Variants in ATAD5 observed in about 807,000 individuals in gnomAD.
ATAD5 encodes ATPase family AAA domain containing 5.
A neutral mutation model predicts 176.9 loss-of-function variants in ATAD5; 58 were observed. The ratio of observed to expected loss-of-function variants is 0.33; its 90% CI spans 0.27 to 0.41. The LOEUF (loss-of-function observed/expected upper bound fraction) is 0.41, where lower values mean the gene tolerates loss of function less well. Ranked by LOEUF, ATAD5 falls within the 10% of genes least tolerant of loss-of-function variation. The pLI is 1.00. For synonymous variants in ATAD5, 640 were observed against 712.6 expected (o/e 0.90, Z 1.62); for missense variants, 1,789 against 2,094.1 (o/e 0.85, Z 2.84).
At position 30,886,581 on chromosome 17, in the gene ATAD5, C is replaced by G. The variant is rs1370632997; in HGVS notation, c.4078-611C>G. 5.3e-5 allele frequency among the ~76,000 whole-genome samples: 8 copies of G among 151,728 alleles called. No individual in the cohort carries two copies. The South Asian group carries it at 1.0e-3, about 20-fold the overall frequency. ...ATGTTGGGCAGGCTGGTCTCAAACTCCTGACCTCAGGTGATCCCCTTGCCT... is the reference window on the plus strand; with the variant it reads ...ATGTTGGGCAGGCTGGTCTCAAACTGCTGACCTCAGGTGATCCCCTTGCCT... On this transcript the variant is annotated intron_variant, in intron 18 of 22. Coordinates refer to ENST00000321990, the MANE Select transcript of ATAD5 (RefSeq NM_024857.5).
At chr17:30,867,577 T>C (rs900758244) in intron 11 of ATAD5, among the ~76,000 whole-genome samples, 1 of 152,146 alleles carries the variant, frequency 6.6e-6, no homozygotes, top group Non-Finnish European at 1.5e-5. Flanking sequence ...CATTGTATAT[T>C]AGGCATCTTT....
At chr17:30,863,991 G>A (rs1438266461) in intron 10 of ATAD5, 1 of 151,832 alleles carries the variant, frequency 6.6e-6, no homozygotes, top group Non-Finnish European at 1.5e-5. Context: ...AGTAGAGATG[G>A]GGTTTCACCA....
Position 30,836,019 on chromosome 17 carries a change from A to G in ATAD5, c.1938A>G (p.Thr646=), listed in dbSNP as rs748338425. The G allele has an allele frequency of 5.0e-6, 8 of 1,606,056 alleles. No homozygotes were observed. Among genetic ancestry groups the G allele is most frequent in the African/African-American group, 1.3e-5 (1 of 74,398 alleles). The part of the protein sequence containing the change: ...KHSLYTAELI[T]VPFDSESPIR... The stretch of plus-strand genomic sequence containing the variant: ...GCTTATATACAGCAGAATTAATAAC[A>G]GTACCCTTTGATTCAGAGAGCCCTA... Residue 646 remains threonine, a synonymous_variant, in exon 2 of 23, where the codon ACA becomes ACG. Transcript: ENST00000321990.
At chr17:30,884,348 C>T (rs769992970) in intron 18 of ATAD5, among the ~76,000 whole-genome samples, 2 of 151,036 alleles carry the variant, frequency 1.3e-5, no homozygotes, top group Non-Finnish European at 2.9e-5. Flanking sequence ...CTTAGCATAA[C>T]ATCCTCAAGG....
chr17:30,890,931 C>T (rs535783899), intron 19 of ATAD5, among the ~76,000 whole-genome samples: 2 of 152,270 alleles, frequency 1.3e-5, no homozygotes, highest in African/African-American at 4.8e-5. Context: ...TTAGCACATA[C>T]GATCCTATCC....
At chr17:30,892,876 T>A in intron 20 of ATAD5, 88 bp downstream of exon 20, 1 of 1,163,470 alleles carries the variant, frequency 8.6e-7, no homozygotes, top group Non-Finnish European at 1.2e-6. Flanking sequence ...ATCTTAAGTT[T>A]AACTTAAATG....
chr17:30,877,610 C>T, intron 16 of ATAD5, 61 bp downstream of exon 16: 2 of 1,492,108 alleles, frequency 1.3e-6, no homozygotes, highest in South Asian at 1.2e-5. Flanking sequence ...TTAAAGAATA[C>T]TGTATGTTTT....
intron 18 of ATAD5, among the ~76,000 whole-genome samples, chr17:30,886,830 T>TTTTTG (rs1909351970): frequency 6.6e-6 from 1 of 152,152 alleles, no homozygotes; most frequent in Admixed American, 6.6e-5. Context: ...TTTTTCAGTG[T>TTTTTG]TATAGTATTC....
In ATAD5 at chr17:30,835,752, C is replaced by CAAT; in HGVS notation, c.1677_1679dup (p.Asn559dup). On this transcript the variant is annotated inframe_insertion, in exon 2 of 23. Transcript: ENST00000321990. The stretch of plus-strand genomic sequence containing the variant: ...TTCTAAAGGTTTCCTCTCTGTGTAA[C>CAAT]AATAATAAATTGTCAAGAAAAACCA... 6.2e-7 allele frequency: 1 copy of CAAT among 1,613,428 alleles called. No homozygotes were observed.
chr17:30,893,518 A>T lies in ATAD5; in HGVS notation c.4665A>T (p.Glu1555Asp), dbSNP rs79839229. Residue 1555 changes from glutamate to aspartate, a missense_variant, in exon 21 of 23, where the codon GAA becomes GAT. Physicochemically the swap from Glu to Asp is conservative, Grantham distance 45. Coordinates refer to ENST00000321990, the MANE Select transcript of ATAD5 (RefSeq NM_024857.5). Reference protein sequence around the residue: ...NCLARKHSEREQPLKKSQKKK... With the variant: ...NCLARKHSERDQPLKKSQKKK... ...TTGCTAGGAAACACTCTGAAAGAGA[A>T]CAGCCATTGAAAAAGTCCCAGAAAA... is the stretch of plus-strand genomic sequence containing the variant. 2.5e-6 allele frequency: 4 copies of T among 1,611,446 alleles called. No homozygotes were observed. Among genetic ancestry groups the T allele is most frequent in the Admixed American group, 3.4e-5 (2 of 59,578 alleles).
At chr17:30,878,549 T>G (rs1908799768) in intron 17 of ATAD5, among the ~76,000 whole-genome samples, 1 of 152,006 alleles carries the variant, frequency 6.6e-6, no homozygotes, top group Non-Finnish European at 1.5e-5. Flanking sequence ...TTTTAAAAAC[T>G]CATTCAATTT....
At position 30,860,463 on chromosome 17, in the gene ATAD5, C is replaced by G. The variant is rs149118788; in HGVS notation, c.2987C>G (p.Thr996Ser). ...GAGGCTGATGTCAGCCATAAAGAAACCAAAAGGAAACTCGTAGAAGCAGAA... is the reference window on the plus strand; with the variant it reads ...GAGGCTGATGTCAGCCATAAAGAAAGCAAAAGGAAACTCGTAGAAGCAGAA... ...ELEADVSHKETKRKLVEAENS... is the reference protein window; with the variant it reads ...ELEADVSHKESKRKLVEAENS... Residue 996 changes from threonine to serine, a missense_variant, in exon 10 of 23, where the codon ACC (threonine) becomes AGC (serine). This residue lies in a region of ATAD5 where 487 missense variants were observed against 573.6 expected (regional missense o/e 0.85). Transcript: ENST00000321990. The G allele has an allele frequency of 1.3e-6, 2 of 1,594,216 alleles. No individual in the cohort carries two copies. The highest frequency in any genetic ancestry group is 2.7e-5 in the African/African-American group (2 of 73,092).
Position 30,835,492 on chromosome 17 carries a change from C to A in ATAD5, c.1411C>A (p.Leu471Met). The A allele has an allele frequency of 6.2e-7, 1 of 1,607,276 alleles. No homozygotes were observed. Among genetic ancestry groups the A allele is most frequent in the Non-Finnish European group, 8.5e-7 (1 of 1,178,538 alleles). The change falls in exon 2 of 23, where the codon CTG (leucine) becomes ATG (methionine). Residue 471 changes from leucine to methionine, a missense_variant. Physicochemically the swap from Leu to Met is conservative, Grantham distance 15. This residue lies in a region of ATAD5 where 696 missense variants were observed against 712.5 expected (regional missense o/e 0.98). Coordinates refer to ENST00000321990, the MANE Select transcript of ATAD5 (RefSeq NM_024857.5). ...GTTACACACTGATAAAGGAAGTTTT[C>A]TGAAGGAGAAAAATAAAAAGCTAAA... ...LQLHTDKGSF[L>M]KEKNKKLKKK...
At chr17:30,868,659 G>A (rs1410479002) in intron 12 of ATAD5, among the ~76,000 whole-genome samples, 2 of 150,636 alleles carry the variant, frequency 1.3e-5, no homozygotes, top group Non-Finnish European at 3.0e-5. Flanking sequence ...GGCGCCTGCC[G>A]CCACGCCCGA....
rs192866670 is a variant in ATAD5, at chr17:30,884,522, G to A, written c.4078-2670G>A. Among the ~76,000 whole-genome samples, 322 of 141,724 alleles carry A rather than the reference G, an allele frequency of 2.3e-3. 5 individuals are homozygous for A. The highest frequency in any genetic ancestry group is 0.022 in the Admixed American group (287 of 13,230). 93.0% of individuals were successfully genotyped at this position (141,724 alleles called of 152,430 possible). ...CAGCTCACTGCAACCTCTGCCTCCC[G>A]GTTTCAAGCAATTCTCTTGCCTCAG... On this transcript the variant is annotated intron_variant, in intron 18 of 22. Coordinates refer to ENST00000321990, the MANE Select transcript of ATAD5 (RefSeq NM_024857.5).
At position 30,858,317 on chromosome 17, in the gene ATAD5, A is replaced by G. The variant is rs769083129; in HGVS notation, c.2950A>G (p.Lys984Glu). ...HQVLSSECHSKQELEADVSHK... is the reference protein window; with the variant it reads ...HQVLSSECHSEQELEADVSHK... ...AGTACTTTCTTCCGAGTGTCATAGT[A>G]AACAAGGTTAGTGATAATTATTATC... The change falls in exon 9 of 23, where the codon AAA (lysine) becomes GAA (glutamate). Residue 984 changes from lysine (K) to glutamate (E), a missense_variant. This residue lies in a region of ATAD5 where 487 missense variants were observed against 573.6 expected (regional missense o/e 0.85). Transcript: ENST00000321990. The G allele has an allele frequency of 7.9e-6, 12 of 1,516,690 alleles. No individual in the cohort carries two copies. The East Asian group carries it at 2.2e-4, about 28-fold the overall frequency. The allele number at this position is 1,516,690 out of a possible 1,614,324, so 94.0% of individuals were successfully genotyped here. A position where few individuals can be genotyped will look rare whatever the true frequency, so the allele number is the denominator to read the frequency against.
rs1312990495 is a variant in ATAD5 at position 30,835,745 on chromosome 17, T to A, written c.1664T>A (p.Leu555Gln). 5 of 1,613,488 alleles carry A rather than the reference T, an allele frequency of 3.1e-6. No individual in the cohort carries two copies. The highest frequency in any genetic ancestry group is 4.2e-6 in the Non-Finnish European group (5 of 1,179,880). The change falls in exon 2 of 23, where the codon CTG becomes CAG. Residue 555 changes from leucine (L) to glutamine (Q), a missense_variant. By Grantham distance (113) the Leu-to-Gln change is moderately radical (BLOSUM62 -2). This residue lies in a region of ATAD5 where 696 missense variants were observed against 712.5 expected (regional missense o/e 0.98). Transcript: ENST00000321990. ...ANDDLLKVSS[L>Q]CNNNKLSRKT... is the part of the protein sequence containing the mutation. ...GATGACCTTCTAAAGGTTTCCTCTCTGTGTAACAATAATAAATTGTCAAGA... is the reference window on the plus strand; with the variant it reads ...GATGACCTTCTAAAGGTTTCCTCTCAGTGTAACAATAATAAATTGTCAAGA...
intron 4 of ATAD5, among the ~76,000 whole-genome samples, chr17:30,843,402 C>T (rs1441190713): frequency 2.0e-5 from 3 of 151,828 alleles, no homozygotes; most frequent in African/African-American, 7.3e-5. Context: ...CCTGTAATCC[C>T]CGCACTTTGA....
chr17:30,840,191 C>A (rs745916905), intron 3 of ATAD5, among the ~76,000 whole-genome samples: 6 of 105,274 alleles, frequency 5.7e-5, no homozygotes, highest in Admixed American at 1.1e-4. Context: ...GAGCTAGACT[C>A]TGTTAAAAAA....
Sources: allele counts gnomAD v4.1 joint callset (sites outside exome capture counted in the v4.1 genomes callset), GRCh38; gene constraint gnomAD v4.1.1; regional missense constraint gnomAD v4.1.1; transcripts MANE v1.5; gene names NCBI Gene and HGNC (gene_info 2026-07-23, HGNC 2026-07-21).